ZNF471: variants seen among roughly 807,000 people sequenced by gnomAD.
ZNF471 encodes the protein zinc finger protein 471, also known as EZFIT-related protein 1.
Under a neutral mutation model 13.7 loss-of-function variants are expected in ZNF471, and 7 were observed. The ratio of observed to expected loss-of-function variants is 0.51; its 90% CI spans 0.29 to 0.96. ZNF471 has a LOEUF of 0.96. Ranked by LOEUF, ZNF471 falls within the 40% of genes least tolerant of loss-of-function variation. The pLI is 0.08. For synonymous variants in ZNF471, 218 were observed against 235.6 expected (o/e 0.93, Z 0.68); for missense variants, 663 against 743.3 (o/e 0.89, Z 1.26).
chr19:56,525,841 C>G lies in ZNF471; in HGVS notation c.1774C>G (p.Leu592Val), dbSNP rs755360988. 1.2e-5 allele frequency: 20 copies of G among 1,613,982 alleles called. 1 individual carries two copies. The Middle Eastern group carries it at 2.1e-3, about 173-fold the overall frequency. The change falls in exon 5 of 5, where the codon CTC becomes GTC. Residue 592 changes from leucine to valine, a missense_variant. Leu to Val is a conservative substitution (Grantham distance 32). Transcript: ENST00000308031. ...CTCATCCTGTGCTCAGCATCAAAGACTCCACACTGGCCAAAGGCCCTATCA... is the reference window on the plus strand; with the variant it reads ...CTCATCCTGTGCTCAGCATCAAAGAGTCCACACTGGCCAAAGGCCCTATCA... Reference protein sequence around the residue: ...DSSSCAQHQRLHTGQRPYQCF... With the variant: ...DSSSCAQHQRVHTGQRPYQCF...
chr19:56,525,490 G>A lies in ZNF471; in HGVS notation c.1423G>A (p.Val475Ile). The change falls in exon 5 of 5, where the codon GTT becomes ATT. Residue 475 changes from valine to isoleucine, a missense_variant. Coordinates refer to ENST00000308031, the MANE Select transcript of ZNF471 (RefSeq NM_020813.4). Reference sequence around the variant, plus strand: ...AGCCTTTAGGCAGAATGTACACCTTGTTAGTCATTTGAGAATTCATACTGG... The same window carrying A: ...AGCCTTTAGGCAGAATGTACACCTTATTAGTCATTTGAGAATTCATACTGG... ...GKAFRQNVHL[V>I]SHLRIHTGEK... The A allele has an allele frequency of 6.2e-7, 1 of 1,614,080 alleles. No homozygotes were observed. Among genetic ancestry groups the A allele is most frequent in the Non-Finnish European group, 8.5e-7 (1 of 1,180,022 alleles).
At chr19:56,513,913 AAATCTTATACCACACC>A (rs1371315330) in intron 2 of ZNF471, among the ~76,000 whole-genome samples, 6 of 152,010 alleles carry the variant, frequency 3.9e-5, no homozygotes, top group Non-Finnish European at 8.8e-5. Flanking sequence ...TAGTGTAGAG[AAATCTTATACCACACC>A]AAGCTTCCCC....
At chr19:56,518,405 C>T in intron 3 of ZNF471, 77 bp from the exon 4 acceptor site, 1 of 1,071,652 alleles carries the variant, frequency 9.3e-7, no homozygotes, top group Non-Finnish European at 1.4e-6. Context: ...ATCATTCCAC[C>T]AGAATTAAGG....
At chr19:56,511,998 C>T (rs545539829) in intron 2 of ZNF471, among the ~76,000 whole-genome samples, 4 of 152,154 alleles carry the variant, frequency 2.6e-5, no homozygotes, top group Non-Finnish European at 4.4e-5. Context: ...AAGTTTTCTC[C>T]AAATCTCTAA....
Position 56,518,478 on chromosome 19 carries a change from G to A in ZNF471, c.161-4G>A. The A allele has an allele frequency of 6.2e-7, 1 of 1,609,970 alleles. No homozygotes were observed. The highest frequency in any genetic ancestry group is 1.1e-5 in the South Asian group (1 of 90,310). ...CAATTTTCATGTCTTTTTTTTATAT[G>A]TAGGTCTTTGCATTTCTAAGCCATA... On this transcript the variant is annotated splice_polypyrimidine_tract_variant and splice_region_variant and intron_variant, in intron 3 of 4. Transcript: ENST00000308031.
chr19:56,522,645 A>T lies in ZNF471; in HGVS notation c.257-1679A>T, dbSNP rs2043988702. Among the ~76,000 whole-genome samples, 1 of 152,030 alleles carries T rather than the reference A, an allele frequency of 6.6e-6. No individual in the cohort carries two copies. ...TTTCTCTCAGTATCATCTCTTCAAT[A>T]CAAATTTCTTTATATTTTACTGATA... is the stretch of plus-strand genomic sequence containing the variant. On this transcript the variant is annotated intron_variant, in intron 4 of 4. Transcript: ENST00000308031. This position sits in a 1 kb window ranked among gnomAD's most constrained non-coding sequence, Gnocchi z 4.1.
chr19:56,526,106 C>A lies in ZNF471; in HGVS notation c.*158C>A. On this transcript the variant is annotated 3_prime_UTR_variant, in exon 5 of 5. Coordinates refer to ENST00000308031, the MANE Select transcript of ZNF471 (RefSeq NM_020813.4). ...GCCGAATAGGAACAGCTCTGATCTG[C>A]AGTTCCCAGTGAGATCAACGCAGAA... The A allele has an allele frequency of 1.5e-6, 1 of 665,878 alleles. No homozygotes were observed. The highest frequency in any genetic ancestry group is 2.4e-6 in the Non-Finnish European group (1 of 415,566). 41.2% of individuals were successfully genotyped at this position (665,878 alleles called of 1,614,324 possible). A position where few individuals can be genotyped will look rare whatever the true frequency, so the allele number is the denominator to read the frequency against.
intron 1 of ZNF471, chr19:56,509,903 T>A (rs1048848302): frequency 2.0e-6 from 2 of 985,164 alleles, no homozygotes; most frequent in African/African-American, 3.5e-5. Flanking sequence ...TATCAATGTG[T>A]GAGAGAAATA....
At position 56,524,267 on chromosome 19, in the gene ZNF471, C is replaced by G; in HGVS notation, c.257-57C>G. On this transcript the variant is annotated intron_variant, in intron 4 of 4. Coordinates refer to ENST00000308031, the MANE Select transcript of ZNF471 (RefSeq NM_020813.4). The surrounding 1 kb of genome is among the most constrained non-coding windows in gnomAD (Gnocchi z 4.8). ...TTTTAAATTACCTTTTTCACAATGT[C>G]TCCTTTGTTGTAGCCCATGATAAAG... The G allele has an allele frequency of 8.5e-7, 1 of 1,178,610 alleles. No homozygotes were observed. The highest frequency in any genetic ancestry group is 1.2e-6 in the Non-Finnish European group (1 of 848,684). 73.0% of individuals were successfully genotyped at this position (1,178,610 alleles called of 1,614,324 possible).
chr19:56,513,377 T>C lies in ZNF471; in HGVS notation c.33+1773T>C, dbSNP rs2043836324. ...GTTTTAAGTCAGTGTTCAGCGTAGC[T>C]TGGTGTCTTTCATCAATTTGGAAAT... On this transcript the variant is annotated intron_variant, in intron 2 of 4. Transcript: ENST00000308031. Among the ~76,000 whole-genome samples, 4 of 152,248 alleles carry C rather than the reference T, an allele frequency of 2.6e-5. No individual in the cohort carries two copies. In the South Asian group the frequency reaches 8.3e-4, roughly 31 times the overall value.
intron 4 of ZNF471, among the ~76,000 whole-genome samples, chr19:56,519,899 T>C (rs2147919885): frequency 6.6e-6 from 1 of 152,344 alleles, no homozygotes; most frequent in East Asian, 1.9e-4. Context: ...AATCATCCCT[T>C]TGTCTAGCAC....
chr19:56,509,640 C>T (rs897649100), intron 1 of ZNF471: 1 of 92,596 alleles, frequency 1.1e-5, no homozygotes, highest in African/African-American at 4.3e-5. Context: ...CCCTAGAGGT[C>T]ACCCACCTGG....
At chr19:56,521,638 CA>C (rs372849279) in intron 4 of ZNF471, among the ~76,000 whole-genome samples, 37 of 82,092 alleles carry the variant, frequency 4.5e-4, no homozygotes, top group Middle Eastern at 7.5e-3. Flanking sequence ...GACTCTGTCT[CA>C]AAAAAAAAAA....
At position 56,522,689 on chromosome 19, in the gene ZNF471, G is replaced by T. The variant is rs1416219748; in HGVS notation, c.257-1635G>T. ...ACTGATAACTTTGTATATATGCCCAGATTTCTTCTATCTATGGTAAGTGAT... is the reference window on the plus strand; with the variant it reads ...ACTGATAACTTTGTATATATGCCCATATTTCTTCTATCTATGGTAAGTGAT... On this transcript the variant is annotated intron_variant, in intron 4 of 4. Coordinates refer to ENST00000308031, the MANE Select transcript of ZNF471 (RefSeq NM_020813.4). This position sits in a 1 kb window ranked among gnomAD's most constrained non-coding sequence, Gnocchi z 4.1. 6.6e-6 allele frequency among the ~76,000 whole-genome samples: 1 copy of T among 150,808 alleles called. No homozygotes were observed. Among genetic ancestry groups the T allele is most frequent in the Admixed American group, 6.6e-5 (1 of 15,116 alleles).
Position 56,516,250 on chromosome 19 carries a change from G to C in ZNF471, c.34-25G>C. On this transcript the variant is annotated intron_variant, in intron 2 of 4. Coordinates refer to ENST00000308031, the MANE Select transcript of ZNF471 (RefSeq NM_020813.4). The surrounding 1 kb of genome is among the most constrained non-coding windows in gnomAD (Gnocchi z 4.4). ...TATCTTTGGACACGAGCATTGGTTG[G>C]TTAAGAATATATTTGTCACTTCAGG... 1.2e-6 allele frequency: 2 copies of C among 1,610,374 alleles called. No individual in the cohort carries two copies. Among genetic ancestry groups the C allele is most frequent in the Non-Finnish European group, 8.5e-7 (1 of 1,177,786 alleles).
Position 56,510,593 on chromosome 19 carries a change from T to G in ZNF471, c.-55-924T>G, listed in dbSNP as rs1002620184. The G allele has an allele frequency of 7.3e-5, 72 of 985,592 alleles. No homozygotes were observed. Among genetic ancestry groups the G allele is most frequent in the Non-Finnish European group, 2.8e-5 (23 of 830,022 alleles). The allele number at this position is 985,592 out of a possible 1,614,324, so 61.1% of individuals were successfully genotyped here. A position where few individuals can be genotyped will look rare whatever the true frequency, so the allele number is the denominator to read the frequency against. On this transcript the variant is annotated intron_variant, in intron 1 of 4. Coordinates refer to ENST00000308031, the MANE Select transcript of ZNF471 (RefSeq NM_020813.4). The surrounding 1 kb of genome is among the most constrained non-coding windows in gnomAD (Gnocchi z 4.3). ...CAATGGAAATGTGACTGTGTATATG[T>G]GCTTGTTTTGGGGTGCTTGTGATTG...
chr19:56,525,662 A>T lies in ZNF471; in HGVS notation c.1595A>T (p.Gln532Leu), dbSNP rs1159328801. The T allele has an allele frequency of 3.7e-6, 6 of 1,613,934 alleles. No individual in the cohort carries two copies. The highest frequency in any genetic ancestry group is 5.1e-6 in the Non-Finnish European group (6 of 1,179,958). ...TTCAAACAGAGATCACACCTTGCCC[A>T]ACATCAGAAAACTCATACAGGAGAG... ...NAFKQRSHLA[Q>L]HQKTHTGEKP... is the part of the protein sequence containing the mutation. Residue 532 changes from glutamine (Q) to leucine (L), a missense_variant, in exon 5 of 5, where the codon CAA becomes CTA. Gln to Leu is a moderately radical substitution (Grantham distance 113). Transcript: ENST00000308031.
chr19:56,514,171 C>T (rs10405130), intron 2 of ZNF471, among the ~76,000 whole-genome samples: 31,419 of 149,752 alleles, frequency 0.21, 3,264 homozygotes, highest in Middle Eastern at 0.25. Context: ...AAGCAATTCT[C>T]GTGCCTCGGC....
At chr19:56,515,380 A>G (rs1336401598) in intron 2 of ZNF471, among the ~76,000 whole-genome samples, 8 of 148,024 alleles carry the variant, frequency 5.4e-5, no homozygotes, top group African/African-American at 1.7e-4. Context: ...AGAATTCAGT[A>G]AAACTGTGAG....
Sources: allele counts gnomAD v4.1 joint callset (sites outside exome capture counted in the v4.1 genomes callset), GRCh38; gene constraint gnomAD v4.1.1; non-coding constraint Gnocchi (gnomAD v3.1); transcripts MANE v1.5; gene names NCBI Gene and HGNC (gene_info 2026-07-23, HGNC 2026-07-21).